Variants in TMC3 observed in about 807,000 individuals in gnomAD.
TMC3 encodes transmembrane channel-like protein 3.
In TMC3, 98 loss-of-function variants were observed where a neutral mutation model predicts 110.6. The observed-to-expected ratio is 0.89, with a 90% confidence interval of 0.75 to 1.05. The LOEUF (loss-of-function observed/expected upper bound fraction) is 1.05. TMC3 is among the 50% of genes least tolerant of loss of function. The pLI is 0.00. For synonymous variants in TMC3, 489 were observed against 513.1 expected, an observed-to-expected ratio of 0.95 and a Z score of 0.63; for missense variants, 1,319 against 1,373.2, an observed-to-expected ratio of 0.96 and a Z score of 0.62.
rs773131846 is a variant in TMC3 at position 81,355,707 on chromosome 15, G to A, written c.935+18C>T. On this transcript the variant is annotated intron_variant, in intron 9 of 21. Transcript: ENST00000359440. ...AAAACTTATCAATGAATTCAGCATG[G>A]GGAGTAATAATACCTACAGGTTTTT... is the stretch of plus-strand genomic sequence containing the variant. 2 of 1,554,366 alleles carry A rather than the reference G, an allele frequency of 1.3e-6. No individual in the cohort carries two copies. Among genetic ancestry groups the A allele is most frequent in the Non-Finnish European group, 1.8e-6 (2 of 1,133,368 alleles).
At chr15:81,335,214 T>A (rs1248984368) in intron 20 of TMC3, among the ~76,000 whole-genome samples, 1 of 152,206 alleles carries the variant, frequency 6.6e-6, no homozygotes, top group Non-Finnish European at 1.5e-5. Context: ...TTTACAGTGC[T>A]CCATCTGATG....
At chr15:81,355,589 A>G (rs2141713600) in intron 9 of TMC3, 136 bp downstream of exon 9, 1 of 674,524 alleles carries the variant, frequency 1.5e-6, no homozygotes. Flanking sequence ...GTTCCCTCAG[A>G]TCACATTATG....
At chr15:81,356,737 G>A in intron 7 of TMC3, 143 bp from the exon 8 acceptor site, 1 of 883,922 alleles carries the variant, frequency 1.1e-6, no homozygotes, top group Admixed American at 2.8e-5. Context: ...TTGGACAGGA[G>A]AGCACCGACT....
chr15:81,341,507 A>T lies in TMC3; in HGVS notation c.1727T>A (p.Phe576Tyr). ...YNQGMIWMGA[F>Y]FSPCLPAFNV... ...GAACGCTGGGAGACATGGGGAGAAG[A>T]AGGCCCCCATCCTGGAACCATGAGG... The change falls in exon 16 of 22, where the codon TTC becomes TAC. Residue 576 changes from phenylalanine (F) to tyrosine (Y), a missense_variant. Coordinates refer to ENST00000359440, the MANE Select transcript of TMC3 (RefSeq NM_001080532.3). 1 of 1,610,388 alleles carries T rather than the reference A, an allele frequency of 6.2e-7. No homozygotes were observed. The highest frequency in any genetic ancestry group is 2.2e-5 in the East Asian group (1 of 44,774).
chr15:81,349,771 T>TTTG (rs1567064928), intron 10 of TMC3, among the ~76,000 whole-genome samples: 123 of 151,158 alleles, frequency 8.1e-4, no homozygotes, highest in African/African-American at 3.0e-3. Context: ...TTTTTTTTTT[T>TTTG]TTTTTTGAAC....
intron 3 of TMC3, 47 bp from the exon 4 acceptor site, chr15:81,362,348 G>A (rs1203918133): frequency 1.3e-6 from 2 of 1,490,550 alleles, no homozygotes; most frequent in East Asian, 2.3e-5. Context: ...CATGAAGATG[G>A]CAATGGCTGT....
intron 19 of TMC3, among the ~76,000 whole-genome samples, chr15:81,337,405 T>G (rs921201097): frequency 2.0e-5 from 3 of 152,160 alleles, no homozygotes; most frequent in Non-Finnish European, 2.9e-5. Flanking sequence ...GAGAACGTAA[T>G]GACAGCCACA....
intron 20 of TMC3, 22 bp from the exon 21 acceptor site, chr15:81,334,997 G>A: frequency 6.2e-7 from 1 of 1,610,650 alleles, no homozygotes; most frequent in Non-Finnish European, 8.5e-7. Flanking sequence ...GGGAGGTGTT[G>A]TGAGAAGACA....
intron 20 of TMC3, 123 bp from the exon 21 acceptor site, chr15:81,335,098 T>A: frequency 9.7e-7 from 1 of 1,035,834 alleles, no homozygotes; most frequent in Non-Finnish European, 1.4e-6. Context: ...TTGAGTGCAC[T>A]TACAAATGCA....
rs368106748 is a variant in TMC3, at chr15:81,349,478, C to T, written c.1173G>A (p.Thr391=). ...AALEMYHPRT[T]LRFQLARVLV... Reference sequence around the variant, plus strand: ...TGTACCTTGCAAGCTGGAAGCGCAGCGTGGTCCTGGGGTGGTACATCTCTA... The same window carrying T: ...TGTACCTTGCAAGCTGGAAGCGCAGTGTGGTCCTGGGGTGGTACATCTCTA... The change falls in exon 11 of 22, where the codon ACG becomes ACA. Residue 391 remains threonine (T), a synonymous_variant. Transcript: ENST00000359440. 5.2e-5 allele frequency: 80 copies of T among 1,534,280 alleles called. No individual in the cohort carries two copies. In the Middle Eastern group the frequency reaches 1.2e-3, roughly 23 times the overall value.
rs1893671016 is a variant in TMC3, at chr15:81,339,618, A to G, written c.1845-114T>C. 6 of 764,574 alleles carry G rather than the reference A, an allele frequency of 7.8e-6. No individual in the cohort carries two copies. In the East Asian group the frequency reaches 1.3e-4, roughly 17 times the overall value. The allele number at this position is 764,574 out of a possible 1,614,324, so 47.4% of individuals were successfully genotyped here. ...TTGCCCTGACTCTTTGCAAACTAAA[A>G]ATCCTCCTCTCAGGGTTACCTACAA... On this transcript the variant is annotated intron_variant, in intron 16 of 21. Transcript: ENST00000359440.
At chr15:81,363,675 A>C (rs1488342129) in intron 3 of TMC3, among the ~76,000 whole-genome samples, 2 of 152,224 alleles carry the variant, frequency 1.3e-5, no homozygotes, top group Non-Finnish European at 2.9e-5. Context: ...CTGTAGCCAG[A>C]AAAGAAATTC....
rs1207896514 is a variant in TMC3, at chr15:81,349,569, T to G, written c.1084-2A>C. On this transcript the variant is annotated splice_acceptor_variant, in intron 10 of 21. Coordinates refer to ENST00000359440, the MANE Select transcript of TMC3 (RefSeq NM_001080532.3). LOFTEE classifies it high-confidence loss of function. ...GACGAGGGAGACCACCACACTGACC[T>G]GCTGAGAGAGCACATGCCAGAGCCA... 2.0e-6 allele frequency: 3 copies of G among 1,480,906 alleles called. No homozygotes were observed. The highest frequency in any genetic ancestry group is 4.6e-5 in the Admixed American group (2 of 43,308). The allele number at this position is 1,480,906 out of a possible 1,614,324, so 91.7% of individuals were successfully genotyped here.
Position 81,332,841 on chromosome 15 carries a change from G to A in TMC3, c.2881C>T (p.Arg961Cys), listed in dbSNP as rs1160659483. The change falls in exon 22 of 22, where the codon CGC (arginine) becomes TGC (cysteine). Residue 961 changes from arginine (R) to cysteine (C), a missense_variant. By Grantham distance (180) the Arg-to-Cys change is radical. Coordinates refer to ENST00000359440, the MANE Select transcript of TMC3 (RefSeq NM_001080532.3). The part of the protein sequence containing the change: ...RDWIKRSLPP[R>C]SLIDLRRAPH... ...GCCCGACGGAGGTCTATCAGGGAGC[G>A]TGGGGGAAGAGACCGTTTGATCCAA... is the stretch of plus-strand genomic sequence containing the variant. 2 of 1,613,326 alleles carry A rather than the reference G, an allele frequency of 1.2e-6. No homozygotes were observed. The highest frequency in any genetic ancestry group is 1.7e-5 in the Admixed American group (1 of 60,002).
intron 15 of TMC3, 109 bp from the exon 16 acceptor site, chr15:81,341,627 C>A: frequency 7.8e-7 from 1 of 1,281,410 alleles, no homozygotes. Flanking sequence ...GGATTATACC[C>A]TAAGCTTAAA....
chr15:81,344,915 G>A lies in TMC3; in HGVS notation c.1369C>T (p.Arg457Trp), dbSNP rs770234453. ...APEEEKWSTS[R>W]PGMGLRRNNT... ...TTTCTCCTGAGCCCCATTCCAGGCCGAGATGTGGACCATTTCTCTTCTTCA... is the reference window on the plus strand; with the variant it reads ...TTTCTCCTGAGCCCCATTCCAGGCCAAGATGTGGACCATTTCTCTTCTTCA... Residue 457 changes from arginine to tryptophan, a missense_variant, in exon 13 of 22, where the codon CGG becomes TGG. Arg to Trp is a moderately radical substitution (Grantham distance 101, BLOSUM62 -3). Coordinates refer to ENST00000359440, the MANE Select transcript of TMC3 (RefSeq NM_001080532.3). 17 of 1,613,864 alleles carry A rather than the reference G, an allele frequency of 1.1e-5. No homozygotes were observed. The Admixed American group carries it at 1.2e-4, about 11-fold the overall frequency.
intron 11 of TMC3, among the ~76,000 whole-genome samples, chr15:81,348,531 G>C (rs1893873452): frequency 6.6e-6 from 1 of 152,202 alleles, no homozygotes; most frequent in Non-Finnish European, 1.5e-5. Context: ...AGGTGTCTCA[G>C]GACGTCCCCT....
At chr15:81,346,490 G>A (rs1276527446) in intron 11 of TMC3, 47 bp from the exon 12 acceptor site, 1 of 1,578,570 alleles carries the variant, frequency 6.3e-7, no homozygotes, top group Non-Finnish European at 8.7e-7. Flanking sequence ...TGGCATAGAA[G>A]TCCGTGGTTC....
At chr15:81,362,563 C>T (rs111694742) in intron 3 of TMC3, among the ~76,000 whole-genome samples, 12 of 152,212 alleles carry the variant, frequency 7.9e-5, no homozygotes, top group South Asian at 4.2e-4. Context: ...AGACACCACC[C>T]GAGCCGTGAT....
Sources: allele counts gnomAD v4.1 joint callset (sites outside exome capture counted in the v4.1 genomes callset), GRCh38; gene constraint gnomAD v4.1.1; transcripts MANE v1.5; gene names NCBI Gene and HGNC (gene_info 2026-07-23, HGNC 2026-07-21).